Variants in SPEG observed in about 807,000 individuals in gnomAD.
SPEG encodes striated muscle preferentially expressed protein kinase.
Under a neutral mutation model 300.4 loss-of-function variants are expected in SPEG, and 114 were observed. The observed-to-expected ratio is 0.38, with a 90% CI of 0.33 to 0.44. SPEG has a LOEUF of 0.44. Ranked by LOEUF, SPEG falls within the 20% of genes least tolerant of loss-of-function variation. The pLI is 1.00. For missense variants in SPEG, 4,201 were observed against 4,586.2 expected, an observed-to-expected ratio of 0.92 and a Z score of 2.43; for synonymous variants, 1,964 against 2,018.9, an observed-to-expected ratio of 0.97 and a Z score of 0.73.
rs570668998 is a variant in SPEG at position 219,473,973 on chromosome 2, A to G, written c.4447+70A>G. On this transcript the variant is annotated intron_variant, in intron 18 of 40. Transcript: ENST00000312358. This position sits in a 1 kb window ranked among gnomAD's most constrained non-coding sequence, Gnocchi z 4.6. ...AAGCTCTCTACTCACACCCCCAGGTACACAACCTGCCTGACACTGCTGCAG... is the reference window on the plus strand; with the variant it reads ...AAGCTCTCTACTCACACCCCCAGGTGCACAACCTGCCTGACACTGCTGCAG... 6.6e-7 allele frequency: 1 copy of G among 1,506,652 alleles called. No individual in the cohort carries two copies. The highest frequency in any genetic ancestry group is 2.3e-5 in the East Asian group (1 of 43,492). The allele number at this position is 1,506,652 out of a possible 1,614,324, so 93.3% of individuals were successfully genotyped here. A position where few individuals can be genotyped will look rare whatever the true frequency, so the allele number is the denominator to read the frequency against.
rs553612556 is a variant in SPEG at position 219,435,430 on chromosome 2, C to T, written c.388+65C>T. The T allele has an allele frequency of 6.5e-5, 95 of 1,461,536 alleles. No individual in the cohort carries two copies. The African/African-American group carries it at 1.2e-3, about 18-fold the overall frequency. The allele number at this position is 1,461,536 out of a possible 1,614,324, so 90.5% of individuals were successfully genotyped here. A position where few individuals can be genotyped will look rare whatever the true frequency, so the allele number is the denominator to read the frequency against. On this transcript the variant is annotated intron_variant, in intron 1 of 40. Transcript: ENST00000312358. ...TGCTCAGAGGTAGAAAAGGGCTGCC[C>T]AGGCCACGCGGGTAAGGTACTGGAT...
rs1690493475 is a variant in SPEG at position 219,459,790 on chromosome 2, G to A, written c.2441-2092G>A. ...GCATCAAATGCCTTAAGCACCAAATGCCATTCTGACTTCCCTCCCCAACCC... is the reference window on the plus strand; with the variant it reads ...GCATCAAATGCCTTAAGCACCAAATACCATTCTGACTTCCCTCCCCAACCC... On this transcript the variant is annotated intron_variant, in intron 6 of 40. Transcript: ENST00000312358. This position sits in a 1 kb window ranked among gnomAD's most constrained non-coding sequence, Gnocchi z 4.9. Among the ~76,000 whole-genome samples the A allele has an allele frequency of 6.6e-6, 1 of 152,172 alleles. No homozygotes were observed. The highest frequency in any genetic ancestry group is 1.5e-5 in the Non-Finnish European group (1 of 68,022).
chr2:219,470,107 C>T (rs1405789661), intron 13 of SPEG, among the ~76,000 whole-genome samples: 1 of 152,150 alleles, frequency 6.6e-6, no homozygotes, highest in African/African-American at 2.4e-5. Context: ...ATGGCTGCAA[C>T]ATGACAAAGA....
chr2:219,478,997 G>A (rs558118836), intron 22 of SPEG, 147 bp from the exon 23 acceptor site: 27 of 686,700 alleles, frequency 3.9e-5, no homozygotes, highest in South Asian at 1.8e-4. Context: ...GGGGGTACAC[G>A]TGGAGGAGCG....
At chr2:219,442,093 C>T in intron 1 of SPEG, 2 of 1,194,612 alleles carry the variant, frequency 1.7e-6, no homozygotes, top group Non-Finnish European at 2.1e-6. Flanking sequence ...GGTGAGGGCT[C>T]CGGGGGCGGG....
intron 3 of SPEG, among the ~76,000 whole-genome samples, chr2:219,446,050 G>C (rs114170394): frequency 2.0e-5 from 3 of 151,436 alleles, no homozygotes; most frequent in Non-Finnish European, 4.4e-5. Context: ...TTTGTGATGG[G>C]TATGGGTGTG....
intron 13 of SPEG, among the ~76,000 whole-genome samples, chr2:219,469,588 T>A (rs1431224975): frequency 6.6e-6 from 1 of 152,160 alleles, no homozygotes; most frequent in African/African-American, 2.4e-5. Context: ...CACCCCTCAG[T>A]GCCCGTTAGC....
chr2:219,443,764 A>ATG lies in SPEG; in HGVS notation c.389-878_389-877dup. On this transcript the variant is annotated intron_variant, in intron 1 of 40. Coordinates refer to ENST00000312358, the MANE Select transcript of SPEG (RefSeq NM_005876.5). The surrounding 1 kb of genome is among the most constrained non-coding windows in gnomAD (Gnocchi z 4.6). ...AGCAGGTGTGTGTGTGTGTGTGTGC[A>ATG]TGTGTGTGTGTGGCCAGTGGCAGCA... 2 of 354,588 alleles carry ATG rather than the reference A, an allele frequency of 5.6e-6. No homozygotes were observed. The highest frequency in any genetic ancestry group is 1.1e-5 in the Non-Finnish European group (2 of 179,018). 22.0% of individuals were successfully genotyped at this position (354,588 alleles called of 1,614,324 possible).
At chr2:219,440,598 T>TTTA in intron 1 of SPEG, among the ~76,000 whole-genome samples, 1 of 142,592 alleles carries the variant, frequency 7.0e-6, no homozygotes, top group South Asian at 2.3e-4. Flanking sequence ...TATTTATTTA[T>TTTA]TTATTTAAAG....
Position 219,488,868 on chromosome 2 carries a change from C to T in SPEG, c.8117C>T (p.Pro2706Leu). Residue 2706 changes from proline (P) to leucine (L), a missense_variant, in exon 34 of 41, where the codon CCT becomes CTT. Around this residue, in one of 4 missense-constraint regions of SPEG, gnomAD observed 1,578 missense variants for 1,506.0 expected, o/e 1.05. Transcript: ENST00000312358. Reference sequence around the variant, plus strand: ...TGGAAGCCGGGAGACAGCCGGGCACCTTGCACGTATACGCTGGAGCGGCGA... The same window carrying T: ...TGGAAGCCGGGAGACAGCCGGGCACTTTGCACGTATACGCTGGAGCGGCGA... ...VLWKPGDSRA[P>L]CTYTLERRVD... The T allele has an allele frequency of 1.3e-6, 2 of 1,587,452 alleles. No individual in the cohort carries two copies. The highest frequency in any genetic ancestry group is 1.7e-6 in the Non-Finnish European group (2 of 1,165,936).
At chr2:219,492,297 C>G (rs764850022) in intron 40 of SPEG, 37 bp downstream of exon 40, 6 of 1,595,898 alleles carry the variant, frequency 3.8e-6, no homozygotes, top group Non-Finnish European at 5.1e-6. Flanking sequence ...CCCAGTGTTA[C>G]CTGCCCCTGG....
rs1692829679 is a variant in SPEG, at chr2:219,481,431, A to G, written c.5497A>G (p.Ile1833Val). 6.2e-7 allele frequency: 1 copy of G among 1,614,126 alleles called. No individual in the cohort carries two copies. The highest frequency in any genetic ancestry group is 2.2e-5 in the East Asian group (1 of 44,880). ...SLSREARGFL[I>V]KVLVQDRLRP... ...GAGCAGGGAGGCCCGGGGCTTCCTC[A>G]TCAAAGTGTTGGTGCAGGACCGGCT... Residue 1833 changes from isoleucine to valine, a missense_variant, in exon 27 of 41, where the codon ATC (isoleucine) becomes GTC (valine). This residue lies in a region of SPEG where 1,047 missense variants were observed against 1,356.8 expected (regional missense o/e 0.77). Transcript: ENST00000312358. The surrounding 1 kb of genome is among the most constrained non-coding windows in gnomAD (Gnocchi z 5.4).
intron 6 of SPEG, among the ~76,000 whole-genome samples, chr2:219,452,902 G>A (rs967480388): frequency 1.3e-5 from 2 of 152,138 alleles, no homozygotes; most frequent in African/African-American, 2.4e-5. Flanking sequence ...TCATAGTCTC[G>A]TGCTCCAGTA....
Position 219,445,002 on chromosome 2 carries a change from G to A in SPEG, c.656G>A (p.Gly219Glu). 1.2e-6 allele frequency: 2 copies of A among 1,611,230 alleles called. No homozygotes were observed. The highest frequency in any genetic ancestry group is 1.7e-6 in the Non-Finnish European group (2 of 1,179,030). Residue 219 changes from glycine to glutamate, a missense_variant, in exon 3 of 41, where the codon GGG becomes GAG. Around this residue, in one of 4 missense-constraint regions of SPEG, gnomAD observed 1,258 missense variants for 1,293.9 expected, o/e 0.97. Transcript: ENST00000312358. This position sits in a 1 kb window ranked among gnomAD's most constrained non-coding sequence, Gnocchi z 6.1. ...PGSPRQAQAT[G>E]AGPRHLGVEP... ...AGCCCAAGGCAAGCACAGGCAACCGGGGCCGGGCCACGGCACCTGGGGGTG... is the reference window on the plus strand; with the variant it reads ...AGCCCAAGGCAAGCACAGGCAACCGAGGCCGGGCCACGGCACCTGGGGGTG...
At chr2:219,462,833 A>G (rs893700156) in intron 8 of SPEG, among the ~76,000 whole-genome samples, 6 of 152,192 alleles carry the variant, frequency 3.9e-5, no homozygotes, top group African/African-American at 1.2e-4. Context: ...CAAGAAGATT[A>G]CTTGACCCTG....
Position 219,477,663 on chromosome 2 carries a change from C to G in SPEG, c.4730-26C>G. The G allele has an allele frequency of 6.5e-7, 1 of 1,539,800 alleles. No individual in the cohort carries two copies. ...CCTGCTTGCTTTCTTCCCCTCCCAC[C>G]TAACACCATGACATCTCTGCCCCAG... On this transcript the variant is annotated intron_variant, in intron 20 of 40. Coordinates refer to ENST00000312358, the MANE Select transcript of SPEG (RefSeq NM_005876.5). The surrounding 1 kb of genome is among the most constrained non-coding windows in gnomAD (Gnocchi z 6.4).
intron 31 of SPEG, among the ~76,000 whole-genome samples, chr2:219,487,718 C>G (rs1693570447): frequency 6.6e-6 from 1 of 152,248 alleles, no homozygotes; most frequent in Non-Finnish European, 1.5e-5. Context: ...ACTGCACATT[C>G]TGATAGAACA....
chr2:219,472,730 C>G (rs1436566495), intron 15 of SPEG, among the ~76,000 whole-genome samples, 160 bp from the exon 16 acceptor site: 6 of 152,178 alleles, frequency 3.9e-5, no homozygotes, highest in African/African-American at 1.4e-4. Context: ...AGGGAAGTGG[C>G]TGGGCAAGAG....
intron 6 of SPEG, among the ~76,000 whole-genome samples, chr2:219,455,160 T>G (rs1690077117): frequency 6.6e-6 from 1 of 152,228 alleles, no homozygotes; most frequent in Admixed American, 6.5e-5. Flanking sequence ...GTGCTTCATA[T>G]ATACCAGGCC....
Sources: allele counts gnomAD v4.1 joint callset (sites outside exome capture counted in the v4.1 genomes callset), GRCh38; gene constraint gnomAD v4.1.1; regional missense constraint gnomAD v4.1.1; non-coding constraint Gnocchi (gnomAD v3.1); transcripts MANE v1.5; gene names NCBI Gene and HGNC (gene_info 2026-07-23, HGNC 2026-07-21).